The following FKTN variants were observed in gnomAD, a reference collection of about 807,000 sequenced individuals.
The protein encoded by FKTN is fukutin.
A neutral mutation model predicts 58.6 loss-of-function variants in FKTN; 47 were observed. The observed-to-expected ratio is 0.80, with a 90% CI of 0.63 to 1.02. The LOEUF is 1.02. Among genes scored for constraint, FKTN ranks in the 50% least tolerant of loss-of-function variants. The pLI is 0.00. For synonymous variants in FKTN, 178 were observed against 191.9 expected, an observed-to-expected ratio of 0.93 and a Z score of 0.60; for missense variants, 516 against 537.3, an observed-to-expected ratio of 0.96 and a Z score of 0.39.
intron 10 of FKTN, among the ~76,000 whole-genome samples, chr9:105,620,759 T>A (rs1304599769): frequency 6.9e-6 from 1 of 145,174 alleles, no homozygotes; most frequent in African/African-American, 2.6e-5. Flanking sequence ...TATTACCTGC[T>A]GTTACTAATA....
chr9:105,603,293 C>T (rs1828229064), intron 5 of FKTN, among the ~76,000 whole-genome samples: 1 of 152,172 alleles, frequency 6.6e-6, no homozygotes, highest in Non-Finnish European at 1.5e-5. Flanking sequence ...TACCCTCCCC[C>T]TCAGTCAGTG....
chr9:105,567,039 A>G (rs1382175372), intron 1 of FKTN, among the ~76,000 whole-genome samples: 1 of 152,242 alleles, frequency 6.6e-6, no homozygotes, highest in South Asian at 2.1e-4. Flanking sequence ...AACCAACAAC[A>G]AAAGCCACAT....
At chr9:105,577,672 G>T (rs1435927041) in intron 3 of FKTN, among the ~76,000 whole-genome samples, 3 of 151,094 alleles carry the variant, frequency 2.0e-5, no homozygotes, top group Non-Finnish European at 2.9e-5. Context: ...GGTTCCCTAT[G>T]AACTTTAAAG....
intron 1 of FKTN, among the ~76,000 whole-genome samples, chr9:105,560,279 A>G (rs1838048247): frequency 6.6e-6 from 1 of 152,198 alleles, no homozygotes; most frequent in African/African-American, 2.4e-5. Flanking sequence ...TTTAATGTAC[A>G]TATGAATCAT....
rs1340954733 is a variant in FKTN at position 105,637,652 on chromosome 9, A to G, written c.*2388A>G. 5 of 985,212 alleles carry G rather than the reference A, an allele frequency of 5.1e-6. No individual in the cohort carries two copies. The highest frequency in any genetic ancestry group is 4.8e-6 in the Non-Finnish European group (4 of 829,902). 61.0% of individuals were successfully genotyped at this position (985,212 alleles called of 1,614,324 possible). A position where few individuals can be genotyped will look rare whatever the true frequency, so the allele number is the denominator to read the frequency against. On this transcript the variant is annotated 3_prime_UTR_variant, in exon 11 of 11. Transcript: ENST00000357998. The stretch of plus-strand genomic sequence containing the variant: ...TGAGTATTCTAGCAGTCATTCTCCT[A>G]ATCTGACCACTTTCAGGTTTAGTTT...
intron 5 of FKTN, among the ~76,000 whole-genome samples, chr9:105,602,453 C>T (rs1351002405): frequency 1.3e-5 from 2 of 152,176 alleles, no homozygotes; most frequent in Non-Finnish European, 2.9e-5. Context: ...CTGATACTAC[C>T]ATAGTCAAGA....
At chr9:105,558,965 C>T (rs747477343) in intron 1 of FKTN, among the ~76,000 whole-genome samples, 18 of 152,094 alleles carry the variant, frequency 1.2e-4, no homozygotes, top group South Asian at 6.2e-4. Flanking sequence ...TGGCATTGAA[C>T]GGTGAAAGAA....
chr9:105,622,566 A>G (rs1832151029), intron 10 of FKTN, among the ~76,000 whole-genome samples: 1 of 151,964 alleles, frequency 6.6e-6, no homozygotes, highest in African/African-American at 2.4e-5. Context: ...TGGGTTCGGT[A>G]TTCTCACCTC....
chr9:105,598,376 T>TCACACTA, intron 4 of FKTN: 4 of 180,814 alleles, frequency 2.2e-5, no homozygotes, highest in Non-Finnish European at 4.8e-5. Flanking sequence ...GGGCTCAATG[T>TCACACTA]TTATGGAGTT....
At position 105,626,314 on chromosome 9, in the gene FKTN, A is replaced by G. The variant is rs539274592; in HGVS notation, c.1172+6253A>G. On this transcript the variant is annotated intron_variant, in intron 10 of 10. Transcript: ENST00000357998. Reference sequence around the variant, plus strand: ...AGAAATTTATTTCTCAGGTTTCTGGATGATGGGAAGTCCAAGATAAAGGTA... The same window carrying G: ...AGAAATTTATTTCTCAGGTTTCTGGGTGATGGGAAGTCCAAGATAAAGGTA... 3.3e-5 allele frequency among the ~76,000 whole-genome samples: 5 copies of G among 152,296 alleles called. No individual in the cohort carries two copies. In the South Asian group the frequency reaches 1.0e-3, roughly 32 times the overall value.
rs528622847 is a variant in FKTN at position 105,589,564 on chromosome 9, G to A, written c.106-7034G>A. 1.4e-4 allele frequency among the ~76,000 whole-genome samples: 22 copies of A among 152,068 alleles called. 1 individual carries two copies. In the South Asian group the frequency reaches 4.4e-3, roughly 30 times the overall value. The stretch of plus-strand genomic sequence containing the variant: ...TATAATCTTCAGGCCCTATAAAACT[G>A]GACCCTCCAATGTCCTTAACCTTGA... On this transcript the variant is annotated intron_variant, in intron 3 of 10. Transcript: ENST00000357998.
intron 10 of FKTN, chr9:105,624,368 C>T (rs1832468316): frequency 6.6e-6 from 1 of 152,158 alleles, no homozygotes; most frequent in South Asian, 2.1e-4. Flanking sequence ...TGGCTCATGC[C>T]TTTAATCCCA....
chr9:105,594,265 G>C (rs1303247338), intron 3 of FKTN, among the ~76,000 whole-genome samples: 1 of 152,076 alleles, frequency 6.6e-6, no homozygotes, highest in Non-Finnish European at 1.5e-5. Context: ...TGTGGTGGGG[G>C]TTTTTGAAAA....
Position 105,635,138 on chromosome 9 carries a change from AGCCAACTATGGTAAG to A in FKTN, c.1261_1275del (p.Ala421_Lys425del), listed in dbSNP as rs1833934374. ...CCTGTGAAACCCTCGAATACATTGAAGCCAACTATGGTAAGACCTGGAAGATTCCTGTAAAGACGT... is the reference window on the plus strand; with the variant it reads ...CCTGTGAAACCCTCGAATACATTGAAACCTGGAAGATTCCTGTAAAGACGT... On this transcript the variant is annotated inframe_deletion, in exon 11 of 11. Transcript: ENST00000357998. 43 of 1,614,042 alleles carry A rather than the reference AGCCAACTATGGTAAG, an allele frequency of 2.7e-5. No homozygotes were observed. The highest frequency in any genetic ancestry group is 3.1e-5 in the Non-Finnish European group (36 of 1,179,998).
intron 7 of FKTN, among the ~76,000 whole-genome samples, chr9:105,615,029 G>A (rs527507643): frequency 5.3e-5 from 8 of 151,960 alleles, no homozygotes; most frequent in South Asian, 4.2e-4. Context: ...AACTATAGGC[G>A]CGGGCCACCA....
intron 3 of FKTN, among the ~76,000 whole-genome samples, chr9:105,581,553 A>C (rs1469184287): frequency 2.0e-5 from 3 of 151,754 alleles, no homozygotes; most frequent in Admixed American, 2.0e-4. Context: ...TGCTGGGAGA[A>C]CCACTGCTCT....
intron 3 of FKTN, among the ~76,000 whole-genome samples, chr9:105,592,396 T>C (rs1451343547): frequency 6.6e-6 from 1 of 152,128 alleles, no homozygotes. Context: ...CTCAGCACTT[T>C]GGTAGGCCGA....
chr9:105,574,974 A>G lies in FKTN; in HGVS notation c.-59A>G. The G allele has an allele frequency of 2.1e-6, 2 of 958,084 alleles. No homozygotes were observed. The allele number at this position is 958,084 out of a possible 1,614,324, so 59.3% of individuals were successfully genotyped here. On this transcript the variant is annotated 5_prime_UTR_variant, in exon 3 of 11. Transcript: ENST00000357998. Reference sequence around the variant, plus strand: ...CAAAATTATCTTCCTTTCCAAATCCAAAAAGATGAAAACGACTGAGATACT... The same window carrying G: ...CAAAATTATCTTCCTTTCCAAATCCGAAAAGATGAAAACGACTGAGATACT...
intron 3 of FKTN, 113 bp from the exon 4 acceptor site, chr9:105,596,485 A>C (rs1661151237): frequency 1.1e-5 from 8 of 722,288 alleles, no homozygotes; most frequent in Non-Finnish European, 2.0e-5. Context: ...ATATTTGATA[A>C]TGCTTTTTAA....
Sources: gnomAD v4.1 joint callset for allele counts (sites outside exome capture counted in the v4.1 genomes callset) on GRCh38, gnomAD v4.1.1 for gene constraint, MANE v1.5 for transcripts, NCBI Gene and HGNC (gene_info 2026-07-23, HGNC 2026-07-21) for gene names.